Variants in RBFOX1 observed in about 807,000 individuals in gnomAD.
RBFOX1 encodes the protein RNA binding fox-1 homolog 1.
RBFOX1 carries 8 observed loss-of-function variants against 57.7 expected under a neutral mutation model. The observed-to-expected ratio is 0.14, with a 90% confidence interval of 0.08 to 0.25. The LOEUF is 0.25. Among genes scored for constraint, RBFOX1 ranks in the 10% least tolerant of loss-of-function variants. The probability of loss-of-function intolerance (pLI) is 1.00; values close to 1 mark genes in which losing one functional copy is unlikely to be tolerated. For missense variants in RBFOX1, 611 were observed against 548.5 expected (o/e 1.11, Z -1.14); for synonymous variants, 326 against 222.4 (o/e 1.47, Z -4.15).
chr16:6,759,149 CT>C (rs55903030), intron 3 of RBFOX1, among the ~76,000 whole-genome samples: 21 of 147,270 alleles, frequency 1.4e-4, no homozygotes, highest in South Asian at 6.5e-4. Context: ...CTTATCAATT[CT>C]TTTTTTTTTT....
intron 3 of RBFOX1, among the ~76,000 whole-genome samples, chr16:6,658,394 AGGTGGG>A (rs1362618024): frequency 4.1e-4 from 62 of 151,814 alleles, no homozygotes; most frequent in Admixed American, 3.8e-3. Flanking sequence ...TTCTTAGTAG[AGGTGGG>A]GTTTTACCAT....
chr16:6,754,326 G>A (rs958605368), intron 3 of RBFOX1, among the ~76,000 whole-genome samples: 2 of 152,126 alleles, frequency 1.3e-5, no homozygotes, highest in Admixed American at 1.3e-4. Context: ...CATAAATGGT[G>A]TTGGATATAA....
intron 2 of RBFOX1, among the ~76,000 whole-genome samples, chr16:6,501,131 CT>C (rs1003003339): frequency 0.042 from 4,545 of 107,886 alleles, 71 homozygotes; most frequent in African/African-American, 0.1. Flanking sequence ...GTTAAACATT[CT>C]TTTTTTTTTT....
chr16:6,895,062 A>T (rs2066426966), intron 3 of RBFOX1, among the ~76,000 whole-genome samples: 1 of 152,146 alleles, frequency 6.6e-6, no homozygotes. Flanking sequence ...GTAGATAAAT[A>T]CATCTTTAAT....
rs1390721601 is a variant in RBFOX1 at position 6,767,906 on chromosome 16, C to G, written c.-16+113256C>G. On this transcript the variant is annotated intron_variant, in intron 3 of 15. Coordinates refer to ENST00000550418, the MANE Select transcript of RBFOX1 (RefSeq NM_018723.4). The stretch of plus-strand genomic sequence containing the variant: ...TCCAGCCTGGGCAACAGAGTAAGGA[C>G]TCTATCTCAATAATAATAATAATAA... Among the ~76,000 whole-genome samples, 6 of 126,458 alleles carry G rather than the reference C, an allele frequency of 4.7e-5. No individual in the cohort carries two copies. The East Asian group carries it at 8.7e-4, about 18-fold the overall frequency. The allele number at this position is 126,458 out of a possible 152,430, so 83.0% of individuals were successfully genotyped here.
intron 3 of RBFOX1, among the ~76,000 whole-genome samples, chr16:6,887,555 A>G (rs796469245): frequency 1.4e-5 from 2 of 144,112 alleles, no homozygotes; most frequent in Admixed American, 7.6e-5. Context: ...ACAAAAACAC[A>G]TATACTTTTT....
intron 1 of RBFOX1, among the ~76,000 whole-genome samples, chr16:5,260,365 C>T (rs965981087): frequency 1.3e-5 from 2 of 152,048 alleles, no homozygotes; most frequent in Non-Finnish European, 2.9e-5. Context: ...CCTTGCTATG[C>T]ACAAAGATGG....
chr16:7,019,520 T>G (rs1480174997), intron 3 of RBFOX1, among the ~76,000 whole-genome samples: 1 of 152,166 alleles, frequency 6.6e-6, no homozygotes, highest in Non-Finnish European at 1.5e-5. Context: ...GAGCCCATGG[T>G]CCTCTCTCTC....
rs111681269 is a variant in RBFOX1, at chr16:7,455,853, G to C, written c.28-62294G>C. Among the ~76,000 whole-genome samples the C allele has an allele frequency of 7.8e-3, 1,175 of 151,368 alleles. 16 individuals carry two copies. Among genetic ancestry groups the C allele is most frequent in the African/African-American group, 0.027 (1,095 of 41,258 alleles). On this transcript the variant is annotated intron_variant, in intron 4 of 15. Coordinates refer to ENST00000550418, the MANE Select transcript of RBFOX1 (RefSeq NM_018723.4). Reference sequence around the variant, plus strand: ...CACATTTCAATCAATGATAGTCACTGACATTGAAACTTACTATGAGCCACT... The same window carrying C: ...CACATTTCAATCAATGATAGTCACTCACATTGAAACTTACTATGAGCCACT...
chr16:6,819,216 G>C (rs184705797), intron 3 of RBFOX1, among the ~76,000 whole-genome samples: 1 of 152,120 alleles, frequency 6.6e-6, no homozygotes, highest in African/African-American at 2.4e-5. Context: ...TATAGAAATC[G>C]TCTTCATTCC....
rs1054461565 is a variant in RBFOX1, at chr16:7,579,678, G to A, written c.271-99G>A. The A allele has an allele frequency of 3.4e-6, 5 of 1,465,740 alleles. No homozygotes were observed. The Admixed American group carries it at 7.0e-5, about 21-fold the overall frequency. 90.8% of individuals were successfully genotyped at this position (1,465,740 alleles called of 1,614,324 possible). A position where few individuals can be genotyped will look rare whatever the true frequency, so the allele number is the denominator to read the frequency against. ...TTTTCTTCCCTTCTCAGATTGCTTA[G>A]TTCTGATCTTTTCCTGCCACTCATG... On this transcript the variant is annotated intron_variant, in intron 5 of 15. Transcript: ENST00000550418.
chr16:5,968,432 G>C (rs1259362083), intron 4 of RBFOX1, among the ~76,000 whole-genome samples: 1 of 152,138 alleles, frequency 6.6e-6, no homozygotes, highest in Non-Finnish European at 1.5e-5. Context: ...GTTACTGCAT[G>C]TTGTTTACAG....
At chr16:5,753,265 C>G (rs964389344) in intron 3 of RBFOX1, among the ~76,000 whole-genome samples, 8 of 151,948 alleles carry the variant, frequency 5.3e-5, no homozygotes, top group African/African-American at 1.9e-4. Flanking sequence ...CATTAAAACT[C>G]TAGAAATAAA....
intron 3 of RBFOX1, among the ~76,000 whole-genome samples, chr16:5,656,256 C>A (rs1182211236): frequency 6.6e-6 from 1 of 152,098 alleles, no homozygotes; most frequent in East Asian, 1.9e-4. Context: ...ATAGCTTTCA[C>A]AGAGGGTTGT....
intron 1 of RBFOX1, among the ~76,000 whole-genome samples, chr16:5,321,820 G>A (rs574379101): frequency 3.9e-5 from 6 of 152,168 alleles, no homozygotes. Context: ...ATGACGACCA[G>A]AGTCTGGGGA....
chr16:6,821,375 T>G (rs919331944), intron 3 of RBFOX1, among the ~76,000 whole-genome samples: 10 of 152,238 alleles, frequency 6.6e-5, no homozygotes, highest in African/African-American at 1.9e-4. Context: ...GATACTGTTT[T>G]ATTTTAAAAA....
chr16:6,281,018 T>G (rs576135549), intron 1 of RBFOX1, among the ~76,000 whole-genome samples: 1 of 151,950 alleles, frequency 6.6e-6, no homozygotes, highest in Non-Finnish European at 1.5e-5. Context: ...TATATATGTA[T>G]TACATATGTA....
Position 5,947,145 on chromosome 16 carries a change from G to C in RBFOX1, c.351+79810G>C, listed in dbSNP as rs895143420. On this transcript the variant is annotated intron_variant, in intron 4 of 19. Transcript: ENST00000641259. This position sits in a 1 kb window ranked among gnomAD's most constrained non-coding sequence, Gnocchi z 7.2. ...GTAGGAGGATCATGTGAACTCAGGA[G>C]GTTGAGGTTGCAGCGAGCCGTGATT... Among the ~76,000 whole-genome samples the C allele has an allele frequency of 4.6e-5, 7 of 152,158 alleles. No homozygotes were observed. The highest frequency in any genetic ancestry group is 1.4e-4 in the African/African-American group (6 of 41,434).
chr16:6,393,660 T>C (rs1176767832), intron 2 of RBFOX1, among the ~76,000 whole-genome samples: 6 of 152,172 alleles, frequency 3.9e-5, no homozygotes, highest in Non-Finnish European at 8.8e-5. Flanking sequence ...TTCCATCTTC[T>C]CTTACTTTCT....
Sources: gnomAD v4.1 joint callset for allele counts (sites outside exome capture counted in the v4.1 genomes callset) on GRCh38, gnomAD v4.1.1 for gene constraint, Gnocchi (gnomAD v3.1) non-coding constraint, MANE v1.5 for transcripts, NCBI Gene and HGNC (gene_info 2026-07-23, HGNC 2026-07-21) for gene names.